Variants in TERT observed in about 807,000 individuals in gnomAD.
TERT encodes the protein telomerase catalytic subunit.
A neutral mutation model predicts 104.0 loss-of-function variants in TERT; 42 were observed. The observed-to-expected ratio is 0.40, with a 90% CI of 0.32 to 0.52. TERT has a LOEUF of 0.52. TERT is among the 20% of genes least tolerant of loss of function. TERT has a pLI of 0.43. For missense variants in TERT, 1,101 were observed against 1,610.3 expected, an observed-to-expected ratio of 0.68 and a Z score of 5.41; for synonymous variants, 781 against 725.6, an observed-to-expected ratio of 1.08 and a Z score of -1.23.
rs878855306 is a variant in TERT, at chr5:1,294,086, T to C, written c.800A>G (p.Asp267Gly). 2 of 1,590,874 alleles carry C rather than the reference T, an allele frequency of 1.3e-6. No homozygotes were observed. The highest frequency in any genetic ancestry group is 1.7e-6 in the Non-Finnish European group (2 of 1,171,202). ...AGGTGACACCACACAGAAACCACGGTCACTCGGTCCACGCGTCCTGCCCGG... is the reference window on the plus strand; with the variant it reads ...AGGTGACACCACACAGAAACCACGGCCACTCGGTCCACGCGTCCTGCCCGG... ...AHPGRTRGPS[D>G]RGFCVVSPAR... Residue 267 changes from aspartate (D) to glycine (G), a missense_variant, in exon 2 of 16, where the codon GAC becomes GGC. Transcript: ENST00000310581.
rs537806041 is a variant in TERT at position 1,293,588 on chromosome 5, C to T, written c.1298G>A (p.Gly433Asp). 257 of 1,547,580 alleles carry T rather than the reference C, an allele frequency of 1.7e-4. 4 individuals are homozygous for T. The South Asian group carries it at 3.0e-3, about 18-fold the overall frequency. ...AGVCAREKPQ[G>D]SVAAPEEEDT... is the part of the protein sequence containing the mutation. Reference sequence around the variant, plus strand: ...CTCCTCCTCGGGGGCCGCCACAGAGCCCTGGGGCTTCTCCCGGGCACAGAC... The same window carrying T: ...CTCCTCCTCGGGGGCCGCCACAGAGTCCTGGGGCTTCTCCCGGGCACAGAC... Residue 433 changes from glycine to aspartate, a missense_variant, in exon 2 of 16, where the codon GGC (glycine) becomes GAC (aspartate). Physicochemically the swap from Gly to Asp is moderately conservative, Grantham distance 94 (BLOSUM62 -1). Around this residue, in one of 5 missense-constraint regions of TERT, gnomAD observed 504 missense variants for 544.6 expected, o/e 0.93. Coordinates refer to ENST00000310581, the MANE Select transcript of TERT (RefSeq NM_198253.3).
rs1262077490 is a variant in TERT, at chr5:1,293,654, G to A, written c.1232C>T (p.Thr411Met). The A allele has an allele frequency of 1.9e-6, 3 of 1,562,100 alleles. No individual in the cohort carries two copies. Among genetic ancestry groups the A allele is most frequent in the Admixed American group, 1.9e-5 (1 of 51,756 alleles). ...AQCPYGVLLKTHCPLRAAVTP... is the reference protein window; with the variant it reads ...AQCPYGVLLKMHCPLRAAVTP... ...GACCGCAGCTCGCAGCGGGCAGTGC[G>A]TCTTGAGGAGCACCCCGTAGGGGCA... Residue 411 changes from threonine (T) to methionine (M), a missense_variant, in exon 2 of 16, where the codon ACG becomes ATG. By Grantham distance (81) the Thr-to-Met change is moderately conservative. Transcript: ENST00000310581.
In TERT at chr5:1,255,736, G is replaced by A. The variant is rs1286944549; in HGVS notation, c.3033-325C>T. ...TCTGATTAGCCCCTGTTCCGGGAAG[G>A]CCTCTAAGGTTTCCAGTTTATCCAT... On this transcript the variant is annotated intron_variant, in intron 13 of 15. Coordinates refer to ENST00000310581, the MANE Select transcript of TERT (RefSeq NM_198253.3). This position sits in a 1 kb window ranked among gnomAD's most constrained non-coding sequence, Gnocchi z 6.9. 6.6e-5 allele frequency among the ~76,000 whole-genome samples: 10 copies of A among 152,190 alleles called. No homozygotes were observed. The highest frequency in any genetic ancestry group is 1.4e-4 in the African/African-American group (6 of 41,454).
chr5:1,276,707 C>A (rs77280173), intron 6 of TERT, among the ~76,000 whole-genome samples: 1 of 46,106 alleles, frequency 2.2e-5, no homozygotes, highest in African/African-American at 4.6e-5. Flanking sequence ...TTCCACCAAT[C>A]CCCACCCAGG....
intron 3 of TERT, among the ~76,000 whole-genome samples, chr5:1,281,874 G>A (rs1205711130): frequency 6.6e-6 from 1 of 152,168 alleles, no homozygotes; most frequent in Admixed American, 6.5e-5. Flanking sequence ...GATCACCTGA[G>A]GTCATGAGTT....
At position 1,256,991 on chromosome 5, in the gene TERT, G is replaced by C. The variant is rs890256118; in HGVS notation, c.3033-1580C>G. On this transcript the variant is annotated intron_variant, in intron 13 of 15. Coordinates refer to ENST00000310581, the MANE Select transcript of TERT (RefSeq NM_198253.3). The surrounding 1 kb of genome is among the most constrained non-coding windows in gnomAD (Gnocchi z 7.0). ...CCTCGCCCACTGCAGCCTGGCTGCC[G>C]TGAAATCGGGGCCCAGCTCTCCGTT... Among the ~76,000 whole-genome samples the C allele has an allele frequency of 6.6e-6, 1 of 152,190 alleles. No individual in the cohort carries two copies.
chr5:1,281,835 C>A (rs1750042677), intron 3 of TERT, among the ~76,000 whole-genome samples: 1 of 152,120 alleles, frequency 6.6e-6, no homozygotes, highest in African/African-American at 2.4e-5. Flanking sequence ...AGCCTGTAAA[C>A]CCAGCACTTT....
rs554486028 is a variant in TERT at position 1,275,143 on chromosome 5, G to A, written c.2287-2863C>T. The stretch of plus-strand genomic sequence containing the variant: ...TCATCCCAGCACTTTGGGAGGCCGA[G>A]GTGGGAGGATCACCTGAGGTCAGGA... On this transcript the variant is annotated intron_variant, in intron 6 of 15. Coordinates refer to ENST00000310581, the MANE Select transcript of TERT (RefSeq NM_198253.3). Among the ~76,000 whole-genome samples, 94 of 152,336 alleles carry A rather than the reference G, an allele frequency of 6.2e-4. 1 individual carries two copies. The highest frequency in any genetic ancestry group is 6.1e-3 in the Admixed American group (94 of 15,302).
chr5:1,273,904 T>C (rs923854552), intron 6 of TERT, among the ~76,000 whole-genome samples: 3 of 152,106 alleles, frequency 2.0e-5, no homozygotes, highest in Admixed American at 6.5e-5. Flanking sequence ...GCTGGAGGGA[T>C]TGCAGGGATG....
chr5:1,260,402 A>G (rs569329845), intron 12 of TERT, 72 bp downstream of exon 12: 312 of 1,062,344 alleles, frequency 2.9e-4, no homozygotes, highest in Middle Eastern at 1.7e-3. Context: ...GCACGCGCGC[A>G]CACACACACA....
Position 1,274,094 on chromosome 5 carries a change from C to T in TERT, c.2287-1814G>A, listed in dbSNP as rs1218486262. Reference sequence around the variant, plus strand: ...CACGTGACACACACTAACACGGACACAGGAGGCCTCGAGCTTGTGAGGCAT... The same window carrying T: ...CACGTGACACACACTAACACGGACATAGGAGGCCTCGAGCTTGTGAGGCAT... On this transcript the variant is annotated intron_variant, in intron 6 of 15. Transcript: ENST00000310581. The surrounding 1 kb of genome is among the most constrained non-coding windows in gnomAD (Gnocchi z 5.3). Among the ~76,000 whole-genome samples, 1 of 152,234 alleles carries T rather than the reference C, an allele frequency of 6.6e-6. No individual in the cohort carries two copies. The highest frequency in any genetic ancestry group is 2.4e-5 in the African/African-American group (1 of 41,456).
Position 1,253,723 on chromosome 5 carries a change from G to A in TERT, c.*5C>T, listed in dbSNP as rs1423172396. On this transcript the variant is annotated 3_prime_UTR_variant, in exon 16 of 16. Transcript: ENST00000310581. The stretch of plus-strand genomic sequence containing the variant: ...GCTCTCGGCCTGGCTGTGGGCGGGT[G>A]GCCATCAGTCCAGGATGGTCTTGAA... 2 of 1,607,126 alleles carry A rather than the reference G, an allele frequency of 1.2e-6. No individual in the cohort carries two copies. Among genetic ancestry groups the A allele is most frequent in the Non-Finnish European group, 1.7e-6 (2 of 1,176,880 alleles).
At position 1,269,196 on chromosome 5, in the gene TERT, C is replaced by T. The variant is rs1748845262; in HGVS notation, c.2469-563G>A. Among the ~76,000 whole-genome samples the T allele has an allele frequency of 6.6e-6, 1 of 152,142 alleles. No individual in the cohort carries two copies. Among genetic ancestry groups the T allele is most frequent in the African/African-American group, 2.4e-5 (1 of 41,434 alleles). On this transcript the variant is annotated intron_variant, in intron 8 of 15. Coordinates refer to ENST00000310581, the MANE Select transcript of TERT (RefSeq NM_198253.3). This position sits in a 1 kb window ranked among gnomAD's most constrained non-coding sequence, Gnocchi z 9.0. ...GCACACAGAAGGCATGGCTGCCACG[C>T]GACCCTCAGCCATCCCCAGAGCCCA... is the stretch of plus-strand genomic sequence containing the variant.
At chr5:1,260,399 C>T (rs35311994) in intron 12 of TERT, 75 bp downstream of exon 12, 40,448 of 1,604,452 alleles carry the variant, frequency 0.025, 610 homozygotes, top group Non-Finnish European at 0.031. Context: ...CAGGCACGCG[C>T]GCACACACAC....
chr5:1,285,981 C>T (rs1750456480), intron 2 of TERT, among the ~76,000 whole-genome samples: 1 of 152,036 alleles, frequency 6.6e-6, no homozygotes, highest in Admixed American at 6.6e-5. Flanking sequence ...GCAGACACTC[C>T]CCCGCCAGGC....
intron 2 of TERT, among the ~76,000 whole-genome samples, chr5:1,285,860 G>A (rs558206690): frequency 2.1e-3 from 321 of 151,982 alleles, no homozygotes; most frequent in African/African-American, 7.3e-3. Flanking sequence ...GAGCCACCGC[G>A]CCCAGCCTAG....
In TERT at chr5:1,268,668, G is replaced by A. The variant is rs779572012; in HGVS notation, c.2469-35C>T. The A allele has an allele frequency of 1.3e-5, 19 of 1,494,828 alleles. No homozygotes were observed. The South Asian group carries it at 2.2e-4, about 17-fold the overall frequency. 92.6% of individuals were successfully genotyped at this position (1,494,828 alleles called of 1,614,324 possible). A position where few individuals can be genotyped will look rare whatever the true frequency, so the allele number is the denominator to read the frequency against. Reference sequence around the variant, plus strand: ...GAAGACACAGGTGAGAGACGGGCAGGGCATGTGCTGGACATGCGTACACTC... The same window carrying A: ...GAAGACACAGGTGAGAGACGGGCAGAGCATGTGCTGGACATGCGTACACTC... On this transcript the variant is annotated intron_variant, in intron 8 of 15. Transcript: ENST00000310581. This position sits in a 1 kb window ranked among gnomAD's most constrained non-coding sequence, Gnocchi z 5.5.
At chr5:1,254,345 C>T in intron 15 of TERT, 23 bp downstream of exon 15, 1 of 1,612,970 alleles carries the variant, frequency 6.2e-7, no homozygotes, top group Non-Finnish European at 8.5e-7. Context: ...GTGGGGCCCG[C>T]ACTGGCCTCC....
At position 1,293,769 on chromosome 5, in the gene TERT, G is replaced by A. The variant is rs1751162009; in HGVS notation, c.1117C>T (p.Pro373Ser). 6 of 1,555,138 alleles carry A rather than the reference G, an allele frequency of 3.9e-6. 1 individual carries two copies. The highest frequency in any genetic ancestry group is 1.7e-4 in the Middle Eastern group (1 of 5,988). ...TIFLGSRPWM[P>S]GTPRRLPRLP... ...CGGGGCAACCTGCGGGGAGTCCCTGGCATCCAGGGCCTGGAACCCAGAAAG... is the reference window on the plus strand; with the variant it reads ...CGGGGCAACCTGCGGGGAGTCCCTGACATCCAGGGCCTGGAACCCAGAAAG... Residue 373 changes from proline to serine, a missense_variant, in exon 2 of 16, where the codon CCA (proline) becomes TCA (serine). Physicochemically the swap from Pro to Ser is moderately conservative, Grantham distance 74 (BLOSUM62 -1). This residue lies in a region of TERT where 504 missense variants were observed against 544.6 expected (regional missense o/e 0.93). Transcript: ENST00000310581.
Sources: allele counts gnomAD v4.1 joint callset (sites outside exome capture counted in the v4.1 genomes callset), GRCh38; gene constraint gnomAD v4.1.1; regional missense constraint gnomAD v4.1.1; non-coding constraint Gnocchi (gnomAD v3.1); transcripts MANE v1.5; gene names NCBI Gene and HGNC (gene_info 2026-07-23, HGNC 2026-07-21).